The following SCEL variants were observed in gnomAD, a reference collection of about 807,000 sequenced individuals.
The protein encoded by SCEL is sciellin.
In SCEL, 113 loss-of-function variants were observed where a neutral mutation model predicts 117.6. The ratio of observed to expected loss-of-function variants is 0.96; its 90% CI spans 0.83 to 1.12. SCEL has a LOEUF of 1.12. SCEL is among the 50% of genes most tolerant of loss of function. The probability of loss-of-function intolerance (pLI) is 0.00; values close to 1 mark genes in which losing one functional copy is unlikely to be tolerated. For synonymous variants in SCEL, 270 were observed against 256.2 expected, an observed-to-expected ratio of 1.05 and a Z score of -0.51; for missense variants, 785 against 810.8, an observed-to-expected ratio of 0.97 and a Z score of 0.39.
intron 9 of SCEL, among the ~76,000 whole-genome samples, chr13:77,588,462 G>A (rs1028158751): frequency 6.6e-6 from 1 of 152,090 alleles, no homozygotes; most frequent in Non-Finnish European, 1.5e-5. Context: ...GGTAGTGGTG[G>A]GGAACACAGG....
chr13:77,603,727 G>A (rs879381847), intron 18 of SCEL, among the ~76,000 whole-genome samples: 2 of 152,132 alleles, frequency 1.3e-5, no homozygotes, highest in Non-Finnish European at 1.5e-5. Flanking sequence ...TCCCCCTGGG[G>A]AGTGAATCAT....
chr13:77,633,442 C>CAAAAAAAAAAAAAAAAAAAAAA (rs59939208), intron 28 of SCEL, among the ~76,000 whole-genome samples: 14 of 30,018 alleles, frequency 4.7e-4, no homozygotes, highest in African/African-American at 8.8e-4. Context: ...GACTCCGCCT[C>CAAAAAAAAAAAAAAAAAAAAAA]AAAAAAAAAA....
intron 32 of SCEL, among the ~76,000 whole-genome samples, chr13:77,643,929 T>G (rs1174547022): frequency 6.6e-6 from 1 of 152,176 alleles, no homozygotes; most frequent in African/African-American, 2.4e-5. Context: ...CTCCCAGAGT[T>G]CATGATGTGG....
At chr13:77,608,014 T>C in intron 19 of SCEL, 42 bp from the exon 20 acceptor site, 1 of 1,467,394 alleles carries the variant, frequency 6.8e-7, no homozygotes, top group Non-Finnish European at 9.5e-7. Context: ...TCTACCATTG[T>C]TACGTGTTGT....
At chr13:77,610,572 G>A (rs2088581097) in intron 22 of SCEL, among the ~76,000 whole-genome samples, 1 of 152,118 alleles carries the variant, frequency 6.6e-6, no homozygotes, top group Non-Finnish European at 1.5e-5. Flanking sequence ...AAGGCTCTCT[G>A]GCCACAGGAG....
chr13:77,559,061 G>A (rs771527705), intron 3 of SCEL, among the ~76,000 whole-genome samples: 12 of 152,234 alleles, frequency 7.9e-5, no homozygotes, highest in Non-Finnish European at 1.5e-4. Context: ...TATGAAGGTC[G>A]ATTGTAGGGT....
chr13:77,571,470 C>T (rs376606839), intron 8 of SCEL, among the ~76,000 whole-genome samples: 3 of 151,930 alleles, frequency 2.0e-5, no homozygotes, highest in East Asian at 3.9e-4. Flanking sequence ...AGGTGGATCA[C>T]CTGAGGTCGG....
chr13:77,593,259 A>AGTGTGTGTGTGTGTGTGT (rs4052543), intron 11 of SCEL, among the ~76,000 whole-genome samples: 3 of 111,110 alleles, frequency 2.7e-5, no homozygotes, highest in East Asian at 3.4e-4. Context: ...AACAGAGGGG[A>AGTGTGTGTGTGTGTGTGT]GTGTGTGTGT....
intron 22 of SCEL, among the ~76,000 whole-genome samples, chr13:77,611,428 A>G (rs181528329): frequency 2.2e-3 from 341 of 152,298 alleles, no homozygotes; most frequent in Non-Finnish European, 2.7e-3. Flanking sequence ...GATTTGGCAT[A>G]TATTAATACA....
intron 1 of SCEL, among the ~76,000 whole-genome samples, chr13:77,552,717 T>C (rs1439580376): frequency 6.6e-6 from 1 of 152,222 alleles, no homozygotes; most frequent in Non-Finnish European, 1.5e-5. Context: ...CATTTGTCAA[T>C]TTTGGCTTTT....
At chr13:77,542,395 G>A (rs1372241153) in intron 1 of SCEL, among the ~76,000 whole-genome samples, 3 of 146,752 alleles carry the variant, frequency 2.0e-5, no homozygotes, top group Non-Finnish European at 4.6e-5. Flanking sequence ...GCAAGATTCC[G>A]TCTCAACAAA....
rs774823757 is a variant in SCEL, at chr13:77,634,369, T to C, written c.1692-10T>C. The C allele has an allele frequency of 2.7e-5, 44 of 1,610,884 alleles. No homozygotes were observed. Among genetic ancestry groups the C allele is most frequent in the Admixed American group, 5.0e-5 (3 of 59,954 alleles). On this transcript the variant is annotated splice_polypyrimidine_tract_variant and intron_variant, in intron 28 of 32. Transcript: ENST00000349847. Reference sequence around the variant, plus strand: ...ACTTTAATCATGAAGTAAAATGATTTGTTTTGCAGCTCTAACACTGGAGCC... The same window carrying C: ...ACTTTAATCATGAAGTAAAATGATTCGTTTTGCAGCTCTAACACTGGAGCC...
At chr13:77,608,577 A>T (rs1223985920) in intron 20 of SCEL, among the ~76,000 whole-genome samples, 5 of 152,184 alleles carry the variant, frequency 3.3e-5, no homozygotes, top group African/African-American at 1.2e-4. Flanking sequence ...TCCAGCCTGG[A>T]CGACAGAGCC....
In SCEL at chr13:77,613,755, G is replaced by C. The variant is rs1594124149; in HGVS notation, c.1389-138G>C. 13 of 692,898 alleles carry C rather than the reference G, an allele frequency of 1.9e-5. No homozygotes were observed. The East Asian group carries it at 3.6e-4, about 19-fold the overall frequency. The allele number at this position is 692,898 out of a possible 1,614,324, so 42.9% of individuals were successfully genotyped here. ...AGTTGTTGTGAGGATTAAAAAAATG[G>C]TAACTAATATATATAAATTGGAAAC... is the stretch of plus-strand genomic sequence containing the variant. On this transcript the variant is annotated intron_variant, in intron 23 of 32. Coordinates refer to ENST00000349847, the MANE Select transcript of SCEL (RefSeq NM_144777.3).
chr13:77,620,545 G>C (rs903582757), intron 27 of SCEL, among the ~76,000 whole-genome samples: 2 of 152,196 alleles, frequency 1.3e-5, no homozygotes, highest in African/African-American at 4.8e-5. Flanking sequence ...AGGCATCCTT[G>C]AGCTTCTTCT....
intron 19 of SCEL, among the ~76,000 whole-genome samples, chr13:77,604,782 C>A (rs1476261877): frequency 1.3e-5 from 2 of 151,982 alleles, no homozygotes; most frequent in African/African-American, 4.8e-5. Context: ...TGTGTAAGTG[C>A]ATATGTATGT....
intron 18 of SCEL, among the ~76,000 whole-genome samples, chr13:77,604,104 C>A (rs952648882): frequency 2.6e-5 from 4 of 151,978 alleles, no homozygotes; most frequent in African/African-American, 9.7e-5. Flanking sequence ...TGTTAAATAA[C>A]AAGTTTCATA....
chr13:77,602,907 GATTA>G (rs1420051117), intron 17 of SCEL, 165 bp from the exon 18 acceptor site: 5 of 621,492 alleles, frequency 8.0e-6, no homozygotes, highest in Non-Finnish European at 8.1e-6. Flanking sequence ...AAATCCTAAG[GATTA>G]ATTAAACTAT....
chr13:77,633,565 G>A (rs75669463), intron 28 of SCEL, among the ~76,000 whole-genome samples: 4,175 of 151,660 alleles, frequency 0.028, 185 homozygotes, highest in African/African-American at 0.095. Context: ...GATTTGAAGT[G>A]CAAAATACTT....
Sources: allele counts gnomAD v4.1 joint callset (sites outside exome capture counted in the v4.1 genomes callset), GRCh38; gene constraint gnomAD v4.1.1; transcripts MANE v1.5; gene names NCBI Gene and HGNC (gene_info 2026-07-23, HGNC 2026-07-21).